Variants in F13B observed in about 807,000 individuals in gnomAD.
F13B encodes the protein coagulation factor XIII B chain.
A neutral mutation model predicts 79.8 loss-of-function variants in F13B; 58 were observed. The ratio of observed to expected loss-of-function variants is 0.73; its 90% CI spans 0.59 to 0.90. F13B has a LOEUF of 0.90. Ranked by LOEUF, F13B falls within the 40% of genes least tolerant of loss-of-function variation. The pLI, the probability that F13B is intolerant of heterozygous loss-of-function variation, is 0.00. For missense variants in F13B, 773 were observed against 777.0 expected (o/e 0.99, Z 0.06); for synonymous variants, 283 against 260.3 (o/e 1.09, Z -0.84).
chr1:197,066,544 T>C (rs186156305), intron 1 of F13B, among the ~76,000 whole-genome samples: 138 of 152,278 alleles, frequency 9.1e-4, no homozygotes, highest in African/African-American at 3.2e-3. Flanking sequence ...TATTGGTTTG[T>C]TTGGAAAGTC....
chr1:197,040,770 A>C (rs774924051), intron 10 of F13B, 35 bp from the exon 11 acceptor site: 3 of 1,518,132 alleles, frequency 2.0e-6, no homozygotes, highest in Admixed American at 1.8e-5. Flanking sequence ...AGAAAGAAAA[A>C]GAAGAAAACT....
intron 10 of F13B, among the ~76,000 whole-genome samples, chr1:197,042,594 G>C (rs1030882335): frequency 1.3e-5 from 2 of 149,966 alleles, no homozygotes; most frequent in East Asian, 2.0e-4. Context: ...CAAGGCGGGC[G>C]GATCATCTGA....
intron 8 of F13B, among the ~76,000 whole-genome samples, chr1:197,054,845 AT>A (rs1319084827): frequency 6.6e-6 from 1 of 151,960 alleles, no homozygotes; most frequent in Non-Finnish European, 1.5e-5. Flanking sequence ...CTGATAGACA[AT>A]TTGCCAATTA....
chr1:197,052,810 T>C lies in F13B; in HGVS notation c.1379A>G (p.Tyr460Cys), dbSNP rs149144783. The C allele has an allele frequency of 6.2e-6, 10 of 1,609,462 alleles. No homozygotes were observed. The African/African-American group carries it at 1.3e-4, about 22-fold the overall frequency. ...CATTTCTATGTTATTTCTGTTCATG[T>C]AATCCACATTAACAGTACATGGTTC... ...CLEPCTVNVD[Y>C]MNRNNIEMKW... The change falls in exon 9 of 12, where the codon TAC becomes TGC. Residue 460 changes from tyrosine (Y) to cysteine (C), a missense_variant. Coordinates refer to ENST00000367412, the MANE Select transcript of F13B (RefSeq NM_001994.3).
chr1:197,057,490 C>A (rs1212149579), intron 5 of F13B, 25 bp from the exon 6 acceptor site: 2 of 1,608,626 alleles, frequency 1.2e-6, no homozygotes, highest in Non-Finnish European at 1.7e-6. Flanking sequence ...TAATCAGCAC[C>A]TTTAGTCATA....
In F13B at chr1:197,039,068, C is replaced by G; in HGVS notation, c.*310G>C. ...TGTGAATGTGAAATTTTTGCACATACAGTATATTGAAAACAACTATATAGT... is the reference window on the plus strand; with the variant it reads ...TGTGAATGTGAAATTTTTGCACATAGAGTATATTGAAAACAACTATATAGT... On this transcript the variant is annotated 3_prime_UTR_variant, in exon 12 of 12. Coordinates refer to ENST00000367412, the MANE Select transcript of F13B (RefSeq NM_001994.3). 4.2e-6 allele frequency: 1 copy of G among 236,448 alleles called. No individual in the cohort carries two copies. The highest frequency in any genetic ancestry group is 8.2e-6 in the Non-Finnish European group (1 of 121,350). 14.6% of individuals were successfully genotyped at this position (236,448 alleles called of 1,614,324 possible).
intron 10 of F13B, among the ~76,000 whole-genome samples, chr1:197,042,835 C>A (rs1023654718): frequency 1.4e-5 from 2 of 146,734 alleles, no homozygotes; most frequent in South Asian, 2.3e-4. Flanking sequence ...AAAAAAAATT[C>A]TATGTGCCAT....
intron 7 of F13B, among the ~76,000 whole-genome samples, chr1:197,056,444 A>G (rs1200259418): frequency 6.6e-6 from 1 of 152,172 alleles, no homozygotes; most frequent in African/African-American, 2.4e-5. Flanking sequence ...AATGAGATAG[A>G]TGACAGGAAG....
Position 197,055,685 on chromosome 1 carries a change from C to T in F13B, c.1354+30G>A, listed in dbSNP as rs759471400. ...TAAGAAAATCACATAAAAGTACAAA[C>T]GTAGACATTCCATGTGTTCTCTTTC... On this transcript the variant is annotated intron_variant, in intron 8 of 11. Transcript: ENST00000367412. The T allele has an allele frequency of 4.2e-5, 68 of 1,604,658 alleles. 1 individual carries two copies. The highest frequency in any genetic ancestry group is 1.8e-4 in the Admixed American group (11 of 59,834).
chr1:197,059,523 A>C (rs1291634119), intron 5 of F13B, among the ~76,000 whole-genome samples: 3 of 152,096 alleles, frequency 2.0e-5, no homozygotes, highest in Non-Finnish European at 2.9e-5. Context: ...AAAATAAAAA[A>C]TGACTATCAA....
chr1:197,061,283 C>A (rs1025139068), intron 3 of F13B, among the ~76,000 whole-genome samples: 2 of 152,050 alleles, frequency 1.3e-5, no homozygotes, highest in Non-Finnish European at 2.9e-5. Context: ...TTTTAAAATT[C>A]TAGTCTACAA....
intron 9 of F13B, 137 bp from the exon 10 acceptor site, chr1:197,051,016 C>T: frequency 1.4e-6 from 1 of 711,016 alleles, no homozygotes; most frequent in Non-Finnish European, 2.4e-6. Flanking sequence ...ACTGCAACCT[C>T]TGCCTCCCAG....
intron 8 of F13B, 131 bp downstream of exon 8, chr1:197,055,584 C>T (rs1655610807): frequency 1.0e-6 from 1 of 968,070 alleles, no homozygotes; most frequent in Non-Finnish European, 1.6e-6. Flanking sequence ...GGACTTTCTA[C>T]TTAAAGAAAT....
In F13B at chr1:197,050,742, C is replaced by G; in HGVS notation, c.1693G>C (p.Ala565Pro). Reference sequence around the variant, plus strand: ...GTCCACATTCCATCTAAACAATAGGCCTCCCTAGATCCTTCTAGGAAATGG... The same window carrying G: ...GTCCACATTCCATCTAAACAATAGGGCTCCCTAGATCCTTCTAGGAAATGG... ...DHHFLEGSRE[A>P]YCLDGMWTTP... Residue 565 changes from alanine to proline, a missense_variant, in exon 10 of 12, where the codon GCC (alanine) becomes CCC (proline). Physicochemically the swap from Ala to Pro is conservative, Grantham distance 27. Coordinates refer to ENST00000367412, the MANE Select transcript of F13B (RefSeq NM_001994.3). The G allele has an allele frequency of 6.2e-7, 1 of 1,613,186 alleles. No homozygotes were observed. The highest frequency in any genetic ancestry group is 8.5e-7 in the Non-Finnish European group (1 of 1,179,550).
intron 10 of F13B, among the ~76,000 whole-genome samples, chr1:197,046,197 T>C (rs1289218780): frequency 1.3e-5 from 2 of 152,188 alleles, no homozygotes; most frequent in African/African-American, 4.8e-5. Flanking sequence ...ATAAATGGTA[T>C]TAAATTAGGA....
Position 197,063,153 on chromosome 1 carries a change from C to T in F13B, c.65-96G>A, listed in dbSNP as rs375866446. Reference sequence around the variant, plus strand: ...AATACAAACTAAAAGTTTTTAGAGACACTTCAACTAGTACTTATTTTTCTT... The same window carrying T: ...AATACAAACTAAAAGTTTTTAGAGATACTTCAACTAGTACTTATTTTTCTT... On this transcript the variant is annotated intron_variant, in intron 1 of 11. Coordinates refer to ENST00000367412, the MANE Select transcript of F13B (RefSeq NM_001994.3). 4.0e-5 allele frequency: 39 copies of T among 985,610 alleles called. 1 individual carries two copies. In the African/African-American group the frequency reaches 4.9e-4, roughly 12 times the overall value. The allele number at this position is 985,610 out of a possible 1,614,324, so 61.1% of individuals were successfully genotyped here.
intron 11 of F13B, among the ~76,000 whole-genome samples, chr1:197,039,948 G>A (rs532924362): frequency 6.6e-6 from 1 of 151,708 alleles, no homozygotes; most frequent in African/African-American, 2.4e-5. Flanking sequence ...CTTCAAAAAG[G>A]GTTAAAATTG....
At chr1:197,059,637 T>C (rs568662675) in intron 5 of F13B, among the ~76,000 whole-genome samples, 1 of 152,372 alleles carries the variant, frequency 6.6e-6, no homozygotes, top group East Asian at 1.9e-4. Context: ...TTCCACAGCA[T>C]ACCAATCAGA....
At chr1:197,049,072 A>C (rs1655346243) in intron 10 of F13B, among the ~76,000 whole-genome samples, 2 of 152,018 alleles carry the variant, frequency 1.3e-5, no homozygotes, top group African/African-American at 4.8e-5. Context: ...GCTGAATGAC[A>C]GTAAAAATCC....
Sources: allele counts gnomAD v4.1 joint callset (sites outside exome capture counted in the v4.1 genomes callset), GRCh38; gene constraint gnomAD v4.1.1; transcripts MANE v1.5; gene names NCBI Gene and HGNC (gene_info 2026-07-23, HGNC 2026-07-21).